Variants in ERBB4 observed in about 807,000 individuals in gnomAD.
ERBB4 encodes erb-b2 receptor tyrosine kinase 4, also known as receptor tyrosine-protein kinase erbB-4.
In ERBB4, 42 loss-of-function variants were observed where a neutral mutation model predicts 158.0. The ratio of observed to expected loss-of-function variants is 0.27; its 90% CI spans 0.21 to 0.34. The LOEUF (loss-of-function observed/expected upper bound fraction) is 0.34, where lower values mean the gene tolerates loss of function less well. Among genes scored for constraint, ERBB4 ranks in the 10% least tolerant of loss-of-function variants. The pLI is 1.00. For synonymous variants in ERBB4, 583 were observed against 558.7 expected, an observed-to-expected ratio of 1.04 and a Z score of -0.61; for missense variants, 1,333 against 1,624.1, an observed-to-expected ratio of 0.82 and a Z score of 3.08.
intron 1 of ERBB4, among the ~76,000 whole-genome samples, chr2:212,198,192 A>G (rs1406707507): frequency 6.6e-6 from 1 of 152,182 alleles, no homozygotes; most frequent in Non-Finnish European, 1.5e-5. Context: ...GATTTTAGCA[A>G]TTGGGTTTTT....
In ERBB4 at chr2:211,744,988, A is replaced by G. The variant is rs527823159; in HGVS notation, c.622+5651T>C. ...TAAATAACATCTGATTGTATCTTTCAGACTCTAAAATGTACTTTTATATAG... is the reference window on the plus strand; with the variant it reads ...TAAATAACATCTGATTGTATCTTTCGGACTCTAAAATGTACTTTTATATAG... On this transcript the variant is annotated intron_variant, in intron 5 of 27. Transcript: ENST00000342788. Among the ~76,000 whole-genome samples the G allele has an allele frequency of 1.2e-3, 187 of 152,364 alleles. 1 individual carries two copies. The highest frequency in any genetic ancestry group is 4.4e-3 in the African/African-American group (181 of 41,588).
intron 1 of ERBB4, among the ~76,000 whole-genome samples, chr2:212,352,920 T>G (rs955799009): frequency 2.0e-5 from 3 of 152,004 alleles, no homozygotes; most frequent in Admixed American, 6.6e-5. Context: ...ATAATTTACT[T>G]TAACAGTAGC....
At chr2:212,045,643 G>A (rs1369818541) in intron 2 of ERBB4, among the ~76,000 whole-genome samples, 2 of 152,158 alleles carry the variant, frequency 1.3e-5, no homozygotes, top group African/African-American at 4.8e-5. Flanking sequence ...ACCTGGAAAT[G>A]AGACTGAACA....
intron 3 of ERBB4, among the ~76,000 whole-genome samples, chr2:211,894,680 G>T (rs980311651): frequency 6.6e-6 from 1 of 152,172 alleles, no homozygotes; most frequent in African/African-American, 2.4e-5. Flanking sequence ...TTATAGGATA[G>T]GGTGCTGATT....
chr2:211,941,716 C>CCTTT (rs2080502813), intron 3 of ERBB4, among the ~76,000 whole-genome samples: 1 of 132,972 alleles, frequency 7.5e-6, no homozygotes, highest in African/African-American at 2.9e-5. Flanking sequence ...ATTTGGAACA[C>CCTTT]TTTTTTTTTT....
At chr2:211,562,199 A>G (rs1373623343) in intron 19 of ERBB4, 111 bp from the exon 20 acceptor site, 5 of 837,178 alleles carry the variant, frequency 6.0e-6, no homozygotes, top group Non-Finnish European at 9.9e-6. Context: ...CTCTTACTCA[A>G]TGGAATCAAT....
chr2:212,233,227 T>C (rs1247847573), intron 1 of ERBB4, among the ~76,000 whole-genome samples: 1 of 152,164 alleles, frequency 6.6e-6, no homozygotes, highest in East Asian at 1.9e-4. Context: ...ACAAAGAAAA[T>C]AGGGTTGAGA....
chr2:211,737,240 T>G (rs189944831), intron 5 of ERBB4, among the ~76,000 whole-genome samples: 10 of 152,202 alleles, frequency 6.6e-5, no homozygotes, highest in Middle Eastern at 3.4e-3. Flanking sequence ...AAACACACAA[T>G]TAAAAGTAAT....
intron 9 of ERBB4, among the ~76,000 whole-genome samples, chr2:211,709,049 T>C (rs1409082241): frequency 6.6e-6 from 1 of 151,990 alleles, no homozygotes; most frequent in African/African-American, 2.4e-5. Flanking sequence ...GAATGAGCAA[T>C]ATTTTTCTCC....
At chr2:211,692,162 C>T (rs551376213) in intron 12 of ERBB4, among the ~76,000 whole-genome samples, 16 of 152,142 alleles carry the variant, frequency 1.1e-4, no homozygotes, top group Non-Finnish European at 1.0e-4. Context: ...TGTGAATGCT[C>T]TTAGCATATG....
intron 1 of ERBB4, chr2:212,426,266 A>G (rs2091909395): frequency 2.1e-6 from 1 of 482,456 alleles, no homozygotes; most frequent in Non-Finnish European, 4.1e-6. Context: ...AATGCACACT[A>G]AAATATTAGG....
rs909747722 is a variant in ERBB4 at position 211,376,518 on chromosome 2, T to A, written c.*7097A>T. The A allele has an allele frequency of 4.3e-6, 1 of 232,576 alleles. No individual in the cohort carries two copies. Among genetic ancestry groups the A allele is most frequent in the Non-Finnish European group, 8.5e-6 (1 of 117,412 alleles). The allele number at this position is 232,576 out of a possible 1,614,324, so 14.4% of individuals were successfully genotyped here. Reference sequence around the variant, plus strand: ...ACATTGATGGCTTACCAGCAAGGTATTTTTGCACCCCAATCCTTTGAAGAT... The same window carrying A: ...ACATTGATGGCTTACCAGCAAGGTAATTTTGCACCCCAATCCTTTGAAGAT... On this transcript the variant is annotated 3_prime_UTR_variant, in exon 28 of 28. Coordinates refer to ENST00000342788, the MANE Select transcript of ERBB4 (RefSeq NM_005235.3).
intron 2 of ERBB4, among the ~76,000 whole-genome samples, chr2:211,975,323 C>A (rs1195985729): frequency 6.6e-6 from 1 of 152,194 alleles, no homozygotes; most frequent in Non-Finnish European, 1.5e-5. Flanking sequence ...AACAATTATA[C>A]TATCATAACC....
chr2:211,675,772 T>C (rs1357056147), intron 13 of ERBB4, among the ~76,000 whole-genome samples: 2 of 105,802 alleles, frequency 1.9e-5, no homozygotes, highest in East Asian at 4.7e-4. Flanking sequence ...TTTAATATAA[T>C]ATATATATAA....
At chr2:211,487,271 T>G (rs534464149) in intron 20 of ERBB4, among the ~76,000 whole-genome samples, 1 of 151,718 alleles carries the variant, frequency 6.6e-6, no homozygotes, top group Admixed American at 6.6e-5. Flanking sequence ...CTTGAGATAG[T>G]AAAGCTTTAT....
chr2:211,583,388 T>TTTAA (rs1424165383), intron 19 of ERBB4, among the ~76,000 whole-genome samples: 1 of 151,910 alleles, frequency 6.6e-6, no homozygotes, highest in Non-Finnish European at 1.5e-5. Context: ...AGGAATAAAT[T>TTTAA]TTAATTAATT....
At chr2:212,316,600 C>G (rs1041738389) in intron 1 of ERBB4, among the ~76,000 whole-genome samples, 9 of 151,296 alleles carry the variant, frequency 5.9e-5, no homozygotes, top group African/African-American at 2.2e-4. Flanking sequence ...AGTATTGCAC[C>G]CAGATAGTCC....
At chr2:211,784,744 C>T (rs1192110983) in intron 4 of ERBB4, among the ~76,000 whole-genome samples, 1 of 152,082 alleles carries the variant, frequency 6.6e-6, no homozygotes, top group Non-Finnish European at 1.5e-5. Context: ...TCTTCACCTC[C>T]TCACATTTGT....
chr2:212,337,534 C>T (rs2088500362), intron 1 of ERBB4, among the ~76,000 whole-genome samples: 1 of 152,198 alleles, frequency 6.6e-6, no homozygotes, highest in South Asian at 2.1e-4. Context: ...ATGTCGATTA[C>T]ACTTTAATGT....
Sources: gnomAD v4.1 joint callset for allele counts (sites outside exome capture counted in the v4.1 genomes callset) on GRCh38, gnomAD v4.1.1 for gene constraint, MANE v1.5 for transcripts, NCBI Gene and HGNC (gene_info 2026-07-23, HGNC 2026-07-21) for gene names.